Variants in INTS1 observed in about 807,000 individuals in gnomAD.
The protein encoded by INTS1 is integrator complex subunit 1.
INTS1 carries 137 observed loss-of-function variants against 241.6 expected under a neutral mutation model. That is an observed-to-expected ratio of 0.57 (90% CI 0.49 to 0.65). The LOEUF is 0.65. INTS1 is among the 30% of genes least tolerant of loss of function. The pLI is 0.00. For missense variants in INTS1, 3,073 were observed against 3,032.2 expected, an observed-to-expected ratio of 1.01 and a Z score of -0.32; for synonymous variants, 1,692 against 1,337.8, an observed-to-expected ratio of 1.26 and a Z score of -5.78.
intron 46 of INTS1, 69 bp from the exon 47 acceptor site, chr7:1,471,024 C>A: frequency 2.0e-6 from 3 of 1,511,738 alleles, no homozygotes; most frequent in Non-Finnish European, 9.0e-7. Context: ...CCCGACAGGG[C>A]GAGCTGAGCC....
intron 27 of INTS1, chr7:1,482,205 C>T: frequency 4.7e-6 from 1 of 212,754 alleles, no homozygotes; most frequent in Non-Finnish European, 9.3e-6. Context: ...ACCCCCAAAT[C>T]CTTCAGGGAC....
At position 1,470,612 on chromosome 7, in the gene INTS1, C is replaced by T; in HGVS notation, c.6538G>A (p.Ala2180Thr). The change falls in exon 48 of 48, where the codon GCC becomes ACC. Residue 2180 changes from alanine (A) to threonine (T), a missense_variant. Transcript: ENST00000404767. ...GCCTCCATATGCAGGATCCTCAGGG[C>T]CTCGGAGATCTGCGCGCTGGGGTCC... Reference protein sequence around the residue: ...QMDPSAQISEALRILHMEAVM With the variant: ...QMDPSAQISETLRILHMEAVM 1 of 1,584,310 alleles carries T rather than the reference C, an allele frequency of 6.3e-7. No individual in the cohort carries two copies. The highest frequency in any genetic ancestry group is 8.6e-7 in the Non-Finnish European group (1 of 1,166,242).
At chr7:1,486,030 G>C (rs1273848277) in intron 22 of INTS1, among the ~76,000 whole-genome samples, 1 of 151,040 alleles carries the variant, frequency 6.6e-6, no homozygotes, top group African/African-American at 2.4e-5. Context: ...CAAACTCCTG[G>C]GCTCAAGTGA....
At chr7:1,484,634 G>A (rs1475292892) in intron 24 of INTS1, among the ~76,000 whole-genome samples, 1 of 152,232 alleles carries the variant, frequency 6.6e-6, no homozygotes, top group Non-Finnish European at 1.5e-5. Flanking sequence ...CAGGTGCCCA[G>A]CGACCTGGGC....
chr7:1,494,649 G>T (rs1782756605), intron 14 of INTS1, 167 bp downstream of exon 14: 2 of 686,392 alleles, frequency 2.9e-6, no homozygotes, highest in Non-Finnish European at 5.1e-6. Context: ...GCCAGCATGG[G>T]AGTGGGAGAA....
chr7:1,476,478 C>A (rs892395247), intron 37 of INTS1, 23 bp from the exon 38 acceptor site: 1 of 1,586,284 alleles, frequency 6.3e-7, no homozygotes, highest in African/African-American at 1.3e-5. Context: ...CCTGCATCAG[C>A]CCCGGAGCAC....
intron 6 of INTS1, 37 bp from the exon 7 acceptor site, chr7:1,499,397 C>G: frequency 6.5e-7 from 1 of 1,531,280 alleles, no homozygotes; most frequent in Non-Finnish European, 8.8e-7. Flanking sequence ...CAGCGCCTCC[C>G]ACCCGCCCAT....
intron 5 of INTS1, 89 bp downstream of exon 5, chr7:1,499,795 C>A: frequency 1.3e-6 from 2 of 1,507,822 alleles, no homozygotes; most frequent in Non-Finnish European, 1.8e-6. Context: ...ACACAGCCCT[C>A]TGGAGAGAAC....
chr7:1,502,115 G>A lies in INTS1; in HGVS notation c.349+786C>T, dbSNP rs1783211467. On this transcript the variant is annotated intron_variant, in intron 3 of 47. Coordinates refer to ENST00000404767, the MANE Select transcript of INTS1 (RefSeq NM_001080453.3). Reference sequence around the variant, plus strand: ...TGGGTCCTGTCTGGCACAAAACTCAGTAACCAGAGGTGGCGCGGCTTGAAC... The same window carrying A: ...TGGGTCCTGTCTGGCACAAAACTCAATAACCAGAGGTGGCGCGGCTTGAAC... Among the ~76,000 whole-genome samples, 3 of 152,144 alleles carry A rather than the reference G, an allele frequency of 2.0e-5. No homozygotes were observed. The South Asian group carries it at 6.2e-4, about 31-fold the overall frequency.
intron 44 of INTS1, 157 bp downstream of exon 44, chr7:1,472,116 G>C: frequency 1.6e-6 from 1 of 627,532 alleles, no homozygotes. Flanking sequence ...CCCTCTCTGG[G>C]GGTGCTCCCC....
intron 19 of INTS1, 99 bp downstream of exon 19, chr7:1,487,661 C>T: frequency 4.1e-6 from 6 of 1,450,038 alleles, no homozygotes; most frequent in South Asian, 1.2e-5. Context: ...TGCCGCAGTG[C>T]GGTCGGCTCC....
At position 1,500,362 on chromosome 7, in the gene INTS1, C is replaced by G. The variant is rs759351483; in HGVS notation, c.354G>C (p.Leu118=). ...CGATCTCATCCAGCAGCACCGTGGG[C>G]AGCACTGGCCGGGGCAGGCGGTACG... ...KEPSVVPIEV[L]PTVLLDEIEA... The change falls in exon 4 of 48, where the codon CTG becomes CTC. Residue 118 remains leucine, a synonymous_variant. Coordinates refer to ENST00000404767, the MANE Select transcript of INTS1 (RefSeq NM_001080453.3). The G allele has an allele frequency of 1.3e-6, 2 of 1,568,940 alleles. No homozygotes were observed. Among genetic ancestry groups the G allele is most frequent in the East Asian group, 4.6e-5 (2 of 43,582 alleles).
Position 1,475,845 on chromosome 7 carries a change from G to C in INTS1, c.5502+103C>G, listed in dbSNP as rs762872073. On this transcript the variant is annotated intron_variant, in intron 39 of 47. Transcript: ENST00000404767. ...GGCGCGGACTGGGAAGGGGCAAGAG[G>C]GGTAGCCGGCGATGGCCATGTACAC... is the stretch of plus-strand genomic sequence containing the variant. The C allele has an allele frequency of 2.9e-6, 4 of 1,390,530 alleles. No individual in the cohort carries two copies. The African/African-American group carries it at 4.3e-5, about 15-fold the overall frequency. The allele number at this position is 1,390,530 out of a possible 1,614,324, so 86.1% of individuals were successfully genotyped here.
At chr7:1,475,531 G>A (rs1017978038) in intron 39 of INTS1, among the ~76,000 whole-genome samples, 7 of 152,264 alleles carry the variant, frequency 4.6e-5, no homozygotes, top group Admixed American at 1.3e-4. Flanking sequence ...GGCCTGCGGT[G>A]GGGAAGCGGG....
intron 4 of INTS1, 42 bp downstream of exon 4, chr7:1,500,128 G>A (rs1045548882): frequency 1.3e-6 from 2 of 1,578,728 alleles, no homozygotes; most frequent in African/African-American, 2.7e-5. Flanking sequence ...GGAGCCAAGG[G>A]CCCCAGCGCT....
Position 1,470,407 on chromosome 7 carries a change from C to A in INTS1, c.*170G>T, listed in dbSNP as rs1327589916. On this transcript the variant is annotated 3_prime_UTR_variant, in exon 48 of 48. Transcript: ENST00000404767. ...CGGCCCCTGATGCCAGCGGCCGGCC[C>A]GGAGCCACCCCAGGGCTCGGAGTAT... 2 of 542,324 alleles carry A rather than the reference C, an allele frequency of 3.7e-6. No homozygotes were observed. Among genetic ancestry groups the A allele is most frequent in the Non-Finnish European group, 6.4e-6 (2 of 313,344 alleles). 33.6% of individuals were successfully genotyped at this position (542,324 alleles called of 1,614,324 possible).
In INTS1 at chr7:1,474,312, G is replaced by A. The variant is rs370184191; in HGVS notation, c.5685C>T (p.Asn1895=). 105 of 1,608,100 alleles carry A rather than the reference G, an allele frequency of 6.5e-5. 1 individual carries two copies. In the African/African-American group the frequency reaches 1.1e-3, roughly 17 times the overall value. The change falls in exon 41 of 48, where the codon AAC becomes AAT. Residue 1895 remains asparagine (N), a synonymous_variant. Transcript: ENST00000404767. ...AALLHGRTHL[N]FQEFRQQNHL... ...GGTTCTGCTGCCGGAACTCCTGGAA[G>A]TTGAGGTGGGTGCGGCCGTGCAGGA...
chr7:1,493,398 G>A lies in INTS1; in HGVS notation c.2069-292C>T, dbSNP rs6969405. 0.037 allele frequency among the ~76,000 whole-genome samples: 5,593 copies of A among 152,208 alleles called. 355 individuals carry two copies. Among genetic ancestry groups the A allele is most frequent in the African/African-American group, 0.13 (5,290 of 41,496 alleles). On this transcript the variant is annotated intron_variant, in intron 15 of 47. Transcript: ENST00000404767. The surrounding 1 kb of genome is among the most constrained non-coding windows in gnomAD (Gnocchi z 5.3). ...GCAGGGTGGGGACCCGCAAGCCCTC[G>A]GGGCAGAGCCACGGACGAGGCGCGA... is the stretch of plus-strand genomic sequence containing the variant.
At position 1,490,054 on chromosome 7, in the gene INTS1, C is replaced by T. The variant is rs10228784; in HGVS notation, c.2166-372G>A. Among the ~76,000 whole-genome samples, 378 of 149,254 alleles carry T rather than the reference C, an allele frequency of 2.5e-3. 3 individuals are homozygous for T. Among genetic ancestry groups the T allele is most frequent in the African/African-American group, 9.0e-3 (356 of 39,718 alleles). ...CGATACAATTAAATCAAAGCACGGG[C>T]CCCTCGGGTGAGGAAACGGATCCTG... On this transcript the variant is annotated intron_variant, in intron 16 of 47. Coordinates refer to ENST00000404767, the MANE Select transcript of INTS1 (RefSeq NM_001080453.3).
Sources: allele counts gnomAD v4.1 joint callset (sites outside exome capture counted in the v4.1 genomes callset), GRCh38; gene constraint gnomAD v4.1.1; non-coding constraint Gnocchi (gnomAD v3.1); transcripts MANE v1.5; gene names NCBI Gene and HGNC (gene_info 2026-07-23, HGNC 2026-07-21).